Variants in VPS54 observed in about 807,000 individuals in gnomAD.
The protein encoded by VPS54 is VPS54 subunit of GARP complex.
In VPS54, 45 loss-of-function variants were observed where a neutral mutation model predicts 121.5. The ratio of observed to expected loss-of-function variants is 0.37; its 90% confidence interval spans 0.29 to 0.47. VPS54 has a LOEUF of 0.47. Among genes scored for constraint, VPS54 ranks in the 20% least tolerant of loss-of-function variants. The pLI, the probability that VPS54 is intolerant of heterozygous loss-of-function variation, is 0.99. For missense variants in VPS54, 1,090 were observed against 1,131.4 expected, an observed-to-expected ratio of 0.96 and a Z score of 0.52; for synonymous variants, 371 against 385.8, an observed-to-expected ratio of 0.96 and a Z score of 0.45.
chr2:63,893,106 G>A lies in VPS54; in HGVS notation c.*324C>T. 5.4e-6 allele frequency: 2 copies of A among 371,136 alleles called. No individual in the cohort carries two copies. The highest frequency in any genetic ancestry group is 1.0e-5 in the Non-Finnish European group (2 of 196,504). The allele number at this position is 371,136 out of a possible 1,614,324, so 23.0% of individuals were successfully genotyped here. On this transcript the variant is annotated 3_prime_UTR_variant, in exon 23 of 23. Coordinates refer to ENST00000272322, the MANE Select transcript of VPS54 (RefSeq NM_016516.3). The stretch of plus-strand genomic sequence containing the variant: ...AGCATTTTTTAATATAAAGTATACA[G>A]AGCATTCTAGTCAACTACAGCTGTG...
intron 1 of VPS54, among the ~76,000 whole-genome samples, chr2:64,003,244 C>A (rs190571834): frequency 3.3e-5 from 5 of 152,238 alleles, no homozygotes; most frequent in Admixed American, 3.3e-4. Flanking sequence ...ACACAGGGAA[C>A]TACTGATTTC....
At chr2:64,011,347 C>T (rs1475310016) in intron 1 of VPS54, among the ~76,000 whole-genome samples, 1 of 152,058 alleles carries the variant, frequency 6.6e-6, no homozygotes, top group Admixed American at 6.6e-5. Context: ...GCAGGCAGGT[C>T]ACAAGGACAG....
At chr2:63,986,024 CA>C (rs1212255990) in intron 1 of VPS54, among the ~76,000 whole-genome samples, 1 of 152,120 alleles carries the variant, frequency 6.6e-6, no homozygotes, top group East Asian at 1.9e-4. Context: ...TAAGATTGAC[CA>C]TGTTAACTTT....
intron 22 of VPS54, among the ~76,000 whole-genome samples, chr2:63,896,912 A>AG (rs1672465677): frequency 6.6e-6 from 1 of 152,120 alleles, no homozygotes; most frequent in South Asian, 2.1e-4. Context: ...ACCTAAGCTG[A>AG]GGGGGAGTAA....
chr2:63,986,011 A>G (rs945860885), intron 1 of VPS54, among the ~76,000 whole-genome samples: 2 of 152,242 alleles, frequency 1.3e-5, no homozygotes, highest in African/African-American at 4.8e-5. Context: ...ACAATTCTAC[A>G]TTTAAGATTG....
chr2:64,013,114 T>C (rs1371880987), intron 1 of VPS54, among the ~76,000 whole-genome samples: 5 of 152,222 alleles, frequency 3.3e-5, no homozygotes, highest in Admixed American at 3.3e-4. Flanking sequence ...CTCTATAAAT[T>C]ATTTATTAAA....
chr2:63,905,156 C>G (rs1220524550), intron 20 of VPS54, among the ~76,000 whole-genome samples: 1 of 151,852 alleles, frequency 6.6e-6, no homozygotes, highest in South Asian at 2.1e-4. Flanking sequence ...TAGAAAACAG[C>G]AAATTAAATC....
chr2:63,976,825 CTTTTTTTTTTTTT>C (rs1174931536), intron 3 of VPS54, among the ~76,000 whole-genome samples: 3 of 89,680 alleles, frequency 3.3e-5, no homozygotes, highest in Admixed American at 1.4e-4. Flanking sequence ...TATATCTTCT[CTTTTTTTTTTTTT>C]TTTTTTTTGA....
intron 12 of VPS54, among the ~76,000 whole-genome samples, chr2:63,924,188 A>G (rs1673786276): frequency 6.6e-6 from 1 of 152,204 alleles, no homozygotes; most frequent in African/African-American, 2.4e-5. Flanking sequence ...TGTGGCAGAA[A>G]GCTAACTATC....
intron 4 of VPS54, among the ~76,000 whole-genome samples, chr2:63,970,212 TACACAC>T (rs150635007): frequency 3.9e-4 from 44 of 113,692 alleles, no homozygotes; most frequent in East Asian, 1.8e-3. Flanking sequence ...AATATATATA[TACACAC>T]ACACACACAC....
chr2:63,926,640 A>G (rs760266447), intron 12 of VPS54, among the ~76,000 whole-genome samples: 1 of 152,160 alleles, frequency 6.6e-6, no homozygotes, highest in Non-Finnish European at 1.5e-5. Flanking sequence ...CTGGATGGAC[A>G]GTGGGTGCAG....
intron 5 of VPS54, among the ~76,000 whole-genome samples, chr2:63,967,397 C>T (rs901119558): frequency 1.3e-5 from 2 of 152,012 alleles, no homozygotes; most frequent in African/African-American, 4.8e-5. Context: ...TCTCATGAAG[C>T]TTCAATCCAA....
At position 63,893,224 on chromosome 2, in the gene VPS54, TC is replaced by T. The variant is rs1230882906; in HGVS notation, c.*205del. 8.8e-5 allele frequency: 56 copies of T among 635,026 alleles called. No homozygotes were observed. The highest frequency in any genetic ancestry group is 1.5e-4 in the Non-Finnish European group (52 of 350,002). The allele number at this position is 635,026 out of a possible 1,614,324, so 39.3% of individuals were successfully genotyped here. A position where few individuals can be genotyped will look rare whatever the true frequency, so the allele number is the denominator to read the frequency against. ...ATGTTATAGACACCTGATCAGTTAC[TC>T]CTCACTGTAGGATGCACAAAAATGA... On this transcript the variant is annotated 3_prime_UTR_variant, in exon 23 of 23. Transcript: ENST00000272322.
At chr2:63,914,654 A>C (rs895713280) in intron 16 of VPS54, among the ~76,000 whole-genome samples, 19 of 152,166 alleles carry the variant, frequency 1.2e-4, no homozygotes, top group African/African-American at 4.6e-4. Flanking sequence ...TTCATTAGCC[A>C]ATTCAGAAAC....
chr2:63,955,380 T>G (rs1188849922), intron 7 of VPS54, among the ~76,000 whole-genome samples: 1 of 152,012 alleles, frequency 6.6e-6, no homozygotes, highest in Non-Finnish European at 1.5e-5. Flanking sequence ...AGGTTAGCAC[T>G]CAGGTATGTG....
chr2:63,941,685 G>T (rs1019275659), intron 11 of VPS54, among the ~76,000 whole-genome samples: 2 of 152,118 alleles, frequency 1.3e-5, no homozygotes, highest in Admixed American at 1.3e-4. Context: ...ATAATTAAAT[G>T]TAACACATGA....
At chr2:64,008,866 T>C (rs1170058319) in intron 1 of VPS54, among the ~76,000 whole-genome samples, 1 of 152,244 alleles carries the variant, frequency 6.6e-6, no homozygotes, top group Admixed American at 6.5e-5. Context: ...CACTATACAG[T>C]TCATAATAGC....
chr2:63,995,795 T>C (rs1197483493), intron 1 of VPS54, among the ~76,000 whole-genome samples: 1 of 152,228 alleles, frequency 6.6e-6, no homozygotes, highest in Admixed American at 6.5e-5. Flanking sequence ...TGATCATTCA[T>C]GGGAAATGGT....
At chr2:64,011,231 T>G (rs1289269094) in intron 1 of VPS54, among the ~76,000 whole-genome samples, 1 of 152,224 alleles carries the variant, frequency 6.6e-6, no homozygotes, top group African/African-American at 2.4e-5. Flanking sequence ...AATGTCTTTT[T>G]TTCCCCAGCA....
Sources: allele counts gnomAD v4.1 joint callset (sites outside exome capture counted in the v4.1 genomes callset), GRCh38; gene constraint gnomAD v4.1.1; transcripts MANE v1.5; gene names NCBI Gene and HGNC (gene_info 2026-07-23, HGNC 2026-07-21).